ANGEL2: variants seen among roughly 807,000 people sequenced by gnomAD.
ANGEL2 encodes RNA 2',3'-cyclic phosphatase ANGEL2.
A neutral mutation model predicts 66.0 loss-of-function variants in ANGEL2; 41 were observed. The observed-to-expected ratio is 0.62, with a 90% CI of 0.48 to 0.81. The LOEUF is 0.81. Among genes scored for constraint, ANGEL2 ranks in the 30% least tolerant of loss-of-function variants. The pLI is 0.00. For missense variants in ANGEL2, 561 were observed against 641.6 expected, an observed-to-expected ratio of 0.87 and a Z score of 1.36; for synonymous variants, 208 against 226.5, an observed-to-expected ratio of 0.92 and a Z score of 0.73.
rs544316116 is a variant in ANGEL2, at chr1:212,996,754, C to T, written c.1483+401G>A. On this transcript the variant is annotated intron_variant, in intron 8 of 8. Coordinates refer to ENST00000366962, the MANE Select transcript of ANGEL2 (RefSeq NM_144567.5). ...TTGCTGGCAGTGTAACTATGGTCCT[C>T]CAATGAAGGCAGGACGCCTCGGTAA... 4.0e-5 allele frequency among the ~76,000 whole-genome samples: 6 copies of T among 149,682 alleles called. No homozygotes were observed. The East Asian group carries it at 1.2e-3, about 29-fold the overall frequency.
At chr1:213,000,417 T>C (rs749138156) in intron 6 of ANGEL2, 34 bp from the exon 7 acceptor site, 2 of 1,574,902 alleles carry the variant, frequency 1.3e-6, no homozygotes, top group South Asian at 1.1e-5. Context: ...TTAATGTTAT[T>C]GTTCTAGTTT....
chr1:213,015,675 C>T lies in ANGEL2; in HGVS notation c.-4G>A. On this transcript the variant is annotated 5_prime_UTR_variant, in exon 1 of 9. Coordinates refer to ENST00000366962, the MANE Select transcript of ANGEL2 (RefSeq NM_144567.5). ...TCACACAGCGCCAGGCTTCCATCTT[C>T]GCCCTCCGCGTGCGTCCAGTTCCCA... 1 of 1,614,188 alleles carries T rather than the reference C, an allele frequency of 6.2e-7. No individual in the cohort carries two copies. The highest frequency in any genetic ancestry group is 8.5e-7 in the Non-Finnish European group (1 of 1,180,048).
chr1:213,001,607 G>A (rs965725979), intron 5 of ANGEL2: 4 of 152,102 alleles, frequency 2.6e-5, no homozygotes, highest in African/African-American at 9.7e-5. Flanking sequence ...AGCCATTGAT[G>A]CTTCCTTTCA....
chr1:212,998,322 A>G (rs1188280517), intron 7 of ANGEL2, among the ~76,000 whole-genome samples: 3 of 151,662 alleles, frequency 2.0e-5, no homozygotes, highest in Non-Finnish European at 2.9e-5. Context: ...GAAAGGCTTG[A>G]GCCTGGGAGG....
chr1:213,004,838 A>C lies in ANGEL2; in HGVS notation c.1134+195T>G, dbSNP rs531080460. The stretch of plus-strand genomic sequence containing the variant: ...AGCTGAGATCATGACACTGCACTCC[A>C]GCCTGGGCGACAGAGTGAGACTGTC... On this transcript the variant is annotated intron_variant, in intron 5 of 8. Transcript: ENST00000366962. Among the ~76,000 whole-genome samples, 3 of 136,250 alleles carry C rather than the reference A, an allele frequency of 2.2e-5. No individual in the cohort carries two copies. In the Admixed American group the frequency reaches 2.6e-4, roughly 12 times the overall value. The allele number at this position is 136,250 out of a possible 152,430, so 89.4% of individuals were successfully genotyped here. A position where few individuals can be genotyped will look rare whatever the true frequency, so the allele number is the denominator to read the frequency against.
At chr1:213,001,129 A>G in intron 5 of ANGEL2, 1 of 496,470 alleles carries the variant, frequency 2.0e-6, no homozygotes, top group Non-Finnish European at 3.5e-6. Flanking sequence ...TCTTTTTCCC[A>G]TACATGCTTT....
chr1:213,015,857 A>C lies in ANGEL2; in HGVS notation c.-186T>G. On this transcript the variant is annotated 5_prime_UTR_variant, in exon 1 of 9. Coordinates refer to ENST00000366962, the MANE Select transcript of ANGEL2 (RefSeq NM_144567.5). ...CCTACACTCCATCTTGCGCAGTCAG[A>C]GTCCCTGAATGCCTTAACCCGGAAT... is the stretch of plus-strand genomic sequence containing the variant. 1 of 687,928 alleles carries C rather than the reference A, an allele frequency of 1.5e-6. No homozygotes were observed. The highest frequency in any genetic ancestry group is 2.8e-5 in the East Asian group (1 of 35,506). 42.6% of individuals were successfully genotyped at this position (687,928 alleles called of 1,614,324 possible). A position where few individuals can be genotyped will look rare whatever the true frequency, so the allele number is the denominator to read the frequency against.
chr1:212,995,896 T>C (rs2075982354), intron 8 of ANGEL2, among the ~76,000 whole-genome samples: 1 of 151,954 alleles, frequency 6.6e-6, no homozygotes, highest in East Asian at 1.9e-4. Context: ...ATGAAAAAAA[T>C]CAGAAAAGAA....
intron 7 of ANGEL2, among the ~76,000 whole-genome samples, chr1:212,998,867 G>T (rs1156252458): frequency 2.0e-5 from 3 of 149,844 alleles, no homozygotes; most frequent in Non-Finnish European, 3.0e-5. Context: ...GGCAAGTAAG[G>T]TATCTATTTT....
chr1:213,015,532 C>T, intron 1 of ANGEL2, 81 bp downstream of exon 1: 6 of 1,535,446 alleles, frequency 3.9e-6, no homozygotes, highest in Non-Finnish European at 5.3e-6. Context: ...CCGCCCCGCC[C>T]CGGGTTAGTC....
At chr1:212,996,622 CCAAAAAAAAAA>C (rs1479548155) in intron 8 of ANGEL2, among the ~76,000 whole-genome samples, 1 of 22,706 alleles carries the variant, frequency 4.4e-5, no homozygotes. Context: ...GACTCTGTAT[CCAAAAAAAAAA>C]AAAAAAAATA....
intron 5 of ANGEL2, among the ~76,000 whole-genome samples, chr1:213,002,425 A>C (rs1332339899): frequency 6.6e-6 from 1 of 152,226 alleles, no homozygotes; most frequent in Non-Finnish European, 1.5e-5. Context: ...GCACAGGTAG[A>C]GTGGATTTAG....
At position 213,008,411 on chromosome 1, in the gene ANGEL2, C is replaced by A; in HGVS notation, c.441G>T (p.Lys147Asn). The change falls in exon 3 of 9, where the codon AAG (lysine) becomes AAT (asparagine). Residue 147 changes from lysine to asparagine, a missense_variant. Transcript: ENST00000366962. ...YICSHDKEKT[K>N]ILGDKNVDPK... ...GATCAACATTTTTGTCTCCTAGGAT[C>A]TTCGTTTTTTCTTTATCATGGCTAC... The A allele has an allele frequency of 6.2e-7, 1 of 1,614,064 alleles. No homozygotes were observed. The highest frequency in any genetic ancestry group is 1.1e-5 in the South Asian group (1 of 91,078).
chr1:212,998,261 G>A (rs1359100596), intron 7 of ANGEL2, among the ~76,000 whole-genome samples: 1 of 151,172 alleles, frequency 6.6e-6, no homozygotes, highest in Admixed American at 6.6e-5. Flanking sequence ...AAGTAGCTAC[G>A]CGTGGAGGCA....
chr1:213,002,711 A>G (rs2076209233), intron 5 of ANGEL2, among the ~76,000 whole-genome samples: 1 of 152,244 alleles, frequency 6.6e-6, no homozygotes, highest in South Asian at 2.1e-4. Flanking sequence ...CAAGCCCAGG[A>G]GTTCGAGACC....
Position 213,008,337 on chromosome 1 carries a change from T to A in ANGEL2, c.515A>T (p.Tyr172Phe). 1.2e-6 allele frequency: 2 copies of A among 1,614,218 alleles called. No individual in the cohort carries two copies. The highest frequency in any genetic ancestry group is 8.5e-7 in the Non-Finnish European group (1 of 1,180,036). ...ENKFDFSVMS[Y>F]NILSQDLLED... ...CAGTAAATCTTGTGAAAGTATATTA[T>A]AGGACATCACTGAAAAGTCAAACTT... Residue 172 changes from tyrosine (Y) to phenylalanine (F), a missense_variant, in exon 3 of 9, where the codon TAT becomes TTT. Coordinates refer to ENST00000366962, the MANE Select transcript of ANGEL2 (RefSeq NM_144567.5).
chr1:213,000,598 C>T (rs1011321068), intron 6 of ANGEL2, 188 bp downstream of exon 6: 1 of 762,846 alleles, frequency 1.3e-6, no homozygotes, highest in South Asian at 2.5e-5. Context: ...AAATCATGCA[C>T]AGATAATTCT....
Position 212,997,184 on chromosome 1 carries a change from G to A in ANGEL2, c.1454C>T (p.Ala485Val), listed in dbSNP as rs759337272. The A allele has an allele frequency of 3.7e-6, 6 of 1,613,324 alleles. No homozygotes were observed. Among genetic ancestry groups the A allele is most frequent in the South Asian group, 2.2e-5 (2 of 91,034 alleles). ...AITVDYIFYS[A>V]EKEDVAGHPG... ...GTGCCCAGCAACATCTTCCTTTTCT[G>A]CAGAGTAGAAAATATAATCCACAGT... The change falls in exon 8 of 9, where the codon GCA (alanine) becomes GTA (valine). Residue 485 changes from alanine (A) to valine (V), a missense_variant. Ala to Val is a moderately conservative substitution (Grantham distance 64, BLOSUM62 0). Coordinates refer to ENST00000366962, the MANE Select transcript of ANGEL2 (RefSeq NM_144567.5).
chr1:213,008,649 G>C (rs772027908), intron 2 of ANGEL2, among the ~76,000 whole-genome samples, 183 bp from the exon 3 acceptor site: 1 of 152,192 alleles, frequency 6.6e-6, no homozygotes, highest in East Asian at 1.9e-4. Context: ...TACAAATGCG[G>C]TAACACAATA....
Sources: gnomAD v4.1 joint callset for allele counts (sites outside exome capture counted in the v4.1 genomes callset) on GRCh38, gnomAD v4.1.1 for gene constraint, MANE v1.5 for transcripts, NCBI Gene and HGNC (gene_info 2026-07-23, HGNC 2026-07-21) for gene names.